MYH15: variants seen among roughly 807,000 people sequenced by gnomAD.
MYH15 encodes the protein myosin heavy chain 15, also known as myosin-15.
A neutral mutation model predicts 240.5 loss-of-function variants in MYH15; 227 were observed. The observed-to-expected ratio is 0.94, with a 90% CI of 0.85 to 1.05. MYH15 has a LOEUF of 1.05. Among genes scored for constraint, MYH15 ranks in the 50% least tolerant of loss-of-function variants. The probability of loss-of-function intolerance (pLI) is 0.00; values close to 1 mark genes in which losing one functional copy is unlikely to be tolerated. For missense variants in MYH15, 2,217 were observed against 2,247.5 expected (o/e 0.99, Z 0.27); for synonymous variants, 785 against 796.7 (o/e 0.99, Z 0.25).
intron 1 of MYH15, among the ~76,000 whole-genome samples, chr3:108,507,670 C>T (rs1280784627): frequency 2.6e-5 from 4 of 152,138 alleles, no homozygotes; most frequent in South Asian, 2.1e-4. Context: ...CTGCCTTCTT[C>T]GTTTCCCTGA....
At position 108,498,056 on chromosome 3, in the gene MYH15, T is replaced by G. The variant is rs764045947; in HGVS notation, c.614A>C (p.Lys205Thr). The G allele has an allele frequency of 2.4e-5, 39 of 1,613,412 alleles. No individual in the cohort carries two copies. The highest frequency in any genetic ancestry group is 3.3e-5 in the Non-Finnish European group (39 of 1,179,394). The stretch of plus-strand genomic sequence containing the variant: ...CCAAGCTATATAAACACTTACCTGC[T>G]TTTTCCTGGATTCAATCATGGCTGC... Reference protein sequence around the residue: ...TIAAMIESRKKQGALEDQIMQ... With the variant: ...TIAAMIESRKTQGALEDQIMQ... The change falls in exon 6 of 41, where the codon AAG (lysine) becomes ACG (threonine). Residue 205 changes from lysine to threonine, a missense_variant. Lys to Thr is a moderately conservative substitution (Grantham distance 78). Transcript: ENST00000693548.
chr3:108,486,014 G>A (rs576004076), intron 10 of MYH15, among the ~76,000 whole-genome samples: 1 of 152,142 alleles, frequency 6.6e-6, no homozygotes, highest in African/African-American at 2.4e-5. Context: ...AGTTCCTAAC[G>A]ATATTTGAAA....
chr3:108,532,142 T>C (rs2083715638), upstream of MYH15, among the ~76,000 whole-genome samples: 1 of 152,042 alleles, frequency 6.6e-6, no homozygotes, highest in Non-Finnish European at 1.5e-5. Flanking sequence ...CTAAATGTTG[T>C]CATCTGTGAC....
chr3:108,475,884 G>C (rs977890929), intron 12 of MYH15, among the ~76,000 whole-genome samples: 1 of 152,114 alleles, frequency 6.6e-6, no homozygotes, highest in Non-Finnish European at 1.5e-5. Flanking sequence ...CATTCTCCTG[G>C]ATGCTAAACA....
intron 12 of MYH15, among the ~76,000 whole-genome samples, chr3:108,473,904 C>T (rs4365635): frequency 0.77 from 117,168 of 152,062 alleles, 47,168 homozygotes; most frequent in Non-Finnish European, 0.83. Flanking sequence ...TACTGGCATT[C>T]AGTTACCTGG....
At chr3:108,462,959 G>T in intron 16 of MYH15, 152 bp downstream of exon 16, 1 of 837,732 alleles carries the variant, frequency 1.2e-6, no homozygotes, top group Non-Finnish European at 1.8e-6. Context: ...AGAACCCCCA[G>T]CCTGAAGACA....
chr3:108,498,826 T>C (rs998028739), intron 5 of MYH15, among the ~76,000 whole-genome samples: 1 of 152,210 alleles, frequency 6.6e-6, no homozygotes, highest in African/African-American at 2.4e-5. Context: ...TACAAGGTGG[T>C]AACACCATCA....
intron 24 of MYH15, 90 bp from the exon 25 acceptor site, chr3:108,437,789 A>AGAAC (rs2107566477): frequency 7.3e-7 from 1 of 1,363,862 alleles, no homozygotes; most frequent in Non-Finnish European, 9.8e-7. Flanking sequence ...TTCTGGAAAA[A>AGAAC]GAAAGACACA....
chr3:108,417,704 A>G (rs541277584), intron 28 of MYH15, among the ~76,000 whole-genome samples: 1 of 151,818 alleles, frequency 6.6e-6, no homozygotes, highest in South Asian at 2.1e-4. Context: ...AATTCAACCT[A>G]CCGAGGTCCT....
chr3:108,421,327 T>A, intron 27 of MYH15, 113 bp from the exon 28 acceptor site: 2 of 1,224,040 alleles, frequency 1.6e-6, no homozygotes, highest in Non-Finnish European at 2.3e-6. Context: ...TCTTCTGTAG[T>A]AAAGAGCTCA....
intron 28 of MYH15, among the ~76,000 whole-genome samples, chr3:108,420,729 TAAAAATTTTA>T (rs1256744340): frequency 6.6e-6 from 1 of 152,138 alleles, no homozygotes; most frequent in East Asian, 1.9e-4. Context: ...ATCCAAACAT[TAAAAATTTTA>T]AAAAATTTAA....
intron 32 of MYH15, 78 bp from the exon 33 acceptor site, chr3:108,405,531 G>A (rs183769494): frequency 2.0e-5 from 17 of 836,196 alleles, no homozygotes; most frequent in African/African-American, 1.0e-4. Context: ...AACATATGTC[G>A]CTAATGTAGC....
intron 21 of MYH15, among the ~76,000 whole-genome samples, chr3:108,449,495 T>C (rs1005292026): frequency 6.6e-6 from 1 of 152,036 alleles, no homozygotes; most frequent in Non-Finnish European, 1.5e-5. Context: ...GAAAGGACAG[T>C]CTTTTCAATA....
chr3:108,399,360 AAG>A, intron 33 of MYH15, 93 bp from the exon 34 acceptor site: 1 of 1,070,298 alleles, frequency 9.3e-7, no homozygotes, highest in South Asian at 1.7e-5. Context: ...GAAACAGAAA[AAG>A]AATAAAATCC....
intron 33 of MYH15, among the ~76,000 whole-genome samples, chr3:108,401,520 T>G (rs991999217): frequency 6.6e-6 from 1 of 152,252 alleles, no homozygotes; most frequent in Non-Finnish European, 1.5e-5. Flanking sequence ...ACAGCCATAG[T>G]AAACCAATAC....
chr3:108,545,106 T>C, the MYH15 span, among the ~76,000 whole-genome samples: 1 of 152,152 alleles, frequency 6.6e-6, no homozygotes, highest in Non-Finnish European at 1.5e-5. Context: ...CTAAGGCTAA[T>C]CTGAAGTATG....
At chr3:108,461,332 T>C (rs1240267196) in intron 16 of MYH15, among the ~76,000 whole-genome samples, 1 of 152,216 alleles carries the variant, frequency 6.6e-6, no homozygotes, top group African/African-American at 2.4e-5. Flanking sequence ...GGAATAACAC[T>C]ACCTTTCATT....
the MYH15 span, among the ~76,000 whole-genome samples, chr3:108,546,691 T>A: frequency 6.6e-6 from 1 of 152,184 alleles, no homozygotes; most frequent in Non-Finnish European, 1.5e-5. Flanking sequence ...AGCTTACTCC[T>A]TCTTGCATTT....
intron 1 of MYH15, among the ~76,000 whole-genome samples, chr3:108,510,093 T>C (rs2083510306): frequency 6.6e-6 from 1 of 152,146 alleles, no homozygotes; most frequent in Non-Finnish European, 1.5e-5. Context: ...CTCTCTCTAC[T>C]GTGGCATTCA....
Sources: allele counts gnomAD v4.1 joint callset (sites outside exome capture counted in the v4.1 genomes callset), GRCh38; gene constraint gnomAD v4.1.1; transcripts MANE v1.5; gene names NCBI Gene and HGNC (gene_info 2026-07-23, HGNC 2026-07-21).